TLK1: variants seen among roughly 807,000 people sequenced by gnomAD.
The protein encoded by TLK1 is tousled like kinase 1.
A neutral mutation model predicts 105.3 loss-of-function variants in TLK1; 24 were observed. The ratio of observed to expected loss-of-function variants is 0.23; its 90% CI spans 0.17 to 0.32. The LOEUF (loss-of-function observed/expected upper bound fraction) is 0.32. Among genes scored for constraint, TLK1 ranks in the 10% least tolerant of loss-of-function variants. The pLI is 1.00. For missense variants in TLK1, 558 were observed against 910.5 expected, an observed-to-expected ratio of 0.61 and a Z score of 4.98; for synonymous variants, 321 against 310.4, an observed-to-expected ratio of 1.03 and a Z score of -0.36.
At chr2:171,149,924 A>AAAAG (rs1011858797) in intron 1 of TLK1, among the ~76,000 whole-genome samples, 4 of 152,270 alleles carry the variant, frequency 2.6e-5, no homozygotes, top group South Asian at 4.1e-4. Flanking sequence ...AGGAAAAAGA[A>AAAAG]AAAGAAAGAA....
intron 1 of TLK1, among the ~76,000 whole-genome samples, chr2:171,121,136 G>C (rs1176522726): frequency 1.3e-5 from 2 of 152,166 alleles, no homozygotes; most frequent in African/African-American, 2.4e-5. Flanking sequence ...AATTTCTACA[G>C]ATGAATAGTG....
chr2:170,995,912 A>G (rs77340405), intron 20 of TLK1, among the ~76,000 whole-genome samples: 1 of 152,310 alleles, frequency 6.6e-6, no homozygotes, highest in East Asian at 1.9e-4. Context: ...CATGTTGCCC[A>G]GGCTGGTCTC....
intron 1 of TLK1, among the ~76,000 whole-genome samples, chr2:171,144,157 T>A (rs1691700882): frequency 1.3e-5 from 2 of 151,844 alleles, no homozygotes; most frequent in Middle Eastern, 3.4e-3. Context: ...TTGCACTTTA[T>A]GACAGAGCCC....
At chr2:171,230,988 G>C (rs1254371793) in intron 1 of TLK1, among the ~76,000 whole-genome samples, 2 of 151,896 alleles carry the variant, frequency 1.3e-5, no homozygotes, top group African/African-American at 2.4e-5. Context: ...CTCTTCCTCG[G>C]GTATTTAAAA....
At chr2:170,994,206 G>T (rs1683937706) in intron 20 of TLK1, among the ~76,000 whole-genome samples, 1 of 152,120 alleles carries the variant, frequency 6.6e-6, no homozygotes, top group South Asian at 2.1e-4. Context: ...ACTTATACTG[G>T]AAAGTTGTTT....
intron 11 of TLK1, among the ~76,000 whole-genome samples, chr2:171,031,015 TCATAAA>T (rs1212756996): frequency 3.6e-5 from 1 of 27,908 alleles, no homozygotes; most frequent in Non-Finnish European, 1.8e-4. Context: ...CATTTTACAA[TCATAAA>T]AAAAAAAAAA....
At chr2:171,051,497 C>T (rs1013168589) in intron 8 of TLK1, among the ~76,000 whole-genome samples, 8 of 152,020 alleles carry the variant, frequency 5.3e-5, no homozygotes, top group Admixed American at 3.9e-4. Flanking sequence ...CTGCTTAGAA[C>T]ACAGATATAA....
chr2:171,170,742 G>A (rs1283138477), intron 1 of TLK1, among the ~76,000 whole-genome samples: 6 of 152,222 alleles, frequency 3.9e-5, no homozygotes. Flanking sequence ...ACGTTGTTTG[G>A]TGCTTTATTT....
chr2:171,115,229 T>C (rs1303922422), intron 2 of TLK1, among the ~76,000 whole-genome samples: 2 of 147,766 alleles, frequency 1.4e-5, no homozygotes, highest in African/African-American at 5.2e-5. Context: ...TGGAGTGCAA[T>C]GGCGCCATCT....
chr2:171,188,796 C>A (rs985916702), intron 1 of TLK1, among the ~76,000 whole-genome samples: 7 of 150,584 alleles, frequency 4.6e-5, no homozygotes, highest in Admixed American at 1.3e-4. Flanking sequence ...ATCACTTGAA[C>A]CCAGGGAGGT....
intron 12 of TLK1, among the ~76,000 whole-genome samples, chr2:171,022,047 G>C (rs903549770): frequency 4.7e-5 from 7 of 150,536 alleles, no homozygotes; most frequent in Non-Finnish European, 7.4e-5. Flanking sequence ...AGGCTGCAGT[G>C]AGCCGGGATC....
At chr2:171,205,873 C>T (rs572435284) in intron 1 of TLK1, among the ~76,000 whole-genome samples, 1 of 152,144 alleles carries the variant, frequency 6.6e-6, no homozygotes, top group South Asian at 2.1e-4. Flanking sequence ...ATTATATACA[C>T]AGAAAGGCAA....
At chr2:171,030,028 G>T (rs1271948617) in intron 11 of TLK1, among the ~76,000 whole-genome samples, 15 of 152,186 alleles carry the variant, frequency 9.9e-5, no homozygotes, top group Non-Finnish European at 7.3e-5. Context: ...TTACAAGTGT[G>T]AGCCACCACA....
At chr2:171,036,139 A>AT (rs1470901887) in intron 11 of TLK1, among the ~76,000 whole-genome samples, 2 of 152,204 alleles carry the variant, frequency 1.3e-5, no homozygotes, top group African/African-American at 4.8e-5. Flanking sequence ...AGAGGCTAGA[A>AT]TTTTAAGAAG....
chr2:171,005,231 G>A (rs937664652), intron 18 of TLK1, among the ~76,000 whole-genome samples: 4 of 152,074 alleles, frequency 2.6e-5, no homozygotes, highest in East Asian at 1.9e-4. Context: ...CTCCACTTTG[G>A]TGAATTTAAC....
chr2:171,144,802 G>C (rs1012402432), intron 1 of TLK1, among the ~76,000 whole-genome samples: 3 of 151,878 alleles, frequency 2.0e-5, no homozygotes, highest in Non-Finnish European at 2.9e-5. Flanking sequence ...CCACAGAATA[G>C]GGGGAAAAAG....
chr2:171,141,479 T>TA (rs1691571597), intron 1 of TLK1, among the ~76,000 whole-genome samples: 1 of 151,962 alleles, frequency 6.6e-6, no homozygotes, highest in Non-Finnish European at 1.5e-5. Flanking sequence ...GCTGAACAAA[T>TA]AAAAGATCAC....
At chr2:171,221,437 C>G (rs998383222) in intron 1 of TLK1, among the ~76,000 whole-genome samples, 1 of 152,178 alleles carries the variant, frequency 6.6e-6, no homozygotes, top group South Asian at 2.1e-4. Context: ...ACTTCATGAA[C>G]ACCTTGGAGG....
At chr2:171,182,935 A>AAGAAAGAAAGAAAGAAAGAAAG (rs1553487149) in intron 1 of TLK1, among the ~76,000 whole-genome samples, 15 of 128,838 alleles carry the variant, frequency 1.2e-4, no homozygotes, top group African/African-American at 4.7e-4. Flanking sequence ...AAAAAAAAAA[A>AAGAAAGAAAGAAAGAAAGAAAG]AAAGAAAGAA....
Sources: gnomAD v4.1 joint callset for allele counts (sites outside exome capture counted in the v4.1 genomes callset) on GRCh38, gnomAD v4.1.1 for gene constraint, MANE v1.5 for transcripts, NCBI Gene and HGNC (gene_info 2026-07-23, HGNC 2026-07-21) for gene names.